The following GRID2 variants were observed in gnomAD, a reference collection of about 807,000 sequenced individuals.
GRID2 encodes glutamate ionotropic receptor delta type subunit 2.
A neutral mutation model predicts 114.8 loss-of-function variants in GRID2; 33 were observed. The ratio of observed to expected loss-of-function variants is 0.29; its 90% CI spans 0.22 to 0.38. The LOEUF (loss-of-function observed/expected upper bound fraction) is 0.38. Ranked by LOEUF, GRID2 falls within the 10% of genes least tolerant of loss-of-function variation. The probability of loss-of-function intolerance (pLI) is 1.00; values close to 1 mark genes in which losing one functional copy is unlikely to be tolerated. For synonymous variants in GRID2, 505 were observed against 449.9 expected (o/e 1.12, Z -1.55); for missense variants, 1,184 against 1,257.7 (o/e 0.94, Z 0.89).
intron 5 of GRID2, among the ~76,000 whole-genome samples, chr4:93,214,654 A>G (rs1743974119): frequency 6.6e-6 from 1 of 152,000 alleles, no homozygotes; most frequent in South Asian, 2.1e-4. Flanking sequence ...TCAAACTGAC[A>G]TTTCTTCAGA....
chr4:93,128,914 A>T (rs1033778519), intron 4 of GRID2, among the ~76,000 whole-genome samples: 4 of 152,182 alleles, frequency 2.6e-5, no homozygotes, highest in African/African-American at 9.6e-5. Context: ...CTGTTTTGGG[A>T]ATTGCAAACC....
At chr4:93,638,057 G>A (rs1013466410) in intron 14 of GRID2, among the ~76,000 whole-genome samples, 1 of 152,064 alleles carries the variant, frequency 6.6e-6, no homozygotes, top group Non-Finnish European at 1.5e-5. Flanking sequence ...GCCCAGGTAA[G>A]TCTAACATAA....
intron 11 of GRID2, among the ~76,000 whole-genome samples, chr4:93,481,769 TG>T (rs1367844435): frequency 5.3e-5 from 8 of 152,066 alleles, no homozygotes; most frequent in African/African-American, 1.9e-4. Context: ...CTCATTTTTA[TG>T]GTTCTGTTTC....
chr4:93,658,326 G>A (rs1190167876), intron 14 of GRID2, among the ~76,000 whole-genome samples: 1 of 152,092 alleles, frequency 6.6e-6, no homozygotes, highest in Non-Finnish European at 1.5e-5. Flanking sequence ...ACAGAAGTTA[G>A]TATAAAATTA....
At chr4:92,892,312 T>G (rs1746848634) in intron 2 of GRID2, among the ~76,000 whole-genome samples, 1 of 152,214 alleles carries the variant, frequency 6.6e-6, no homozygotes, top group African/African-American at 2.4e-5. Context: ...AAAAAAAAAT[T>G]GAGGGAACTT....
intron 10 of GRID2, among the ~76,000 whole-genome samples, chr4:93,442,481 C>T (rs1455798085): frequency 6.6e-6 from 1 of 152,036 alleles, no homozygotes; most frequent in African/African-American, 2.4e-5. Flanking sequence ...TTTTCCCCCA[C>T]TTAGCATTCA....
chr4:92,804,170 T>C (rs528160299), intron 2 of GRID2, among the ~76,000 whole-genome samples: 3 of 152,194 alleles, frequency 2.0e-5, no homozygotes, highest in African/African-American at 7.2e-5. Context: ...TACCTTAACT[T>C]GATGTCTTCC....
At chr4:93,187,874 G>T (rs1460715349) in intron 4 of GRID2, among the ~76,000 whole-genome samples, 1 of 152,230 alleles carries the variant, frequency 6.6e-6, no homozygotes, top group Admixed American at 6.5e-5. Flanking sequence ...CTCAAGGCTG[G>T]AGAATAATTC....
chr4:93,414,870 C>T (rs765633760), intron 9 of GRID2, among the ~76,000 whole-genome samples: 1 of 151,810 alleles, frequency 6.6e-6, no homozygotes, highest in African/African-American at 2.4e-5. Flanking sequence ...TGCTATTTCC[C>T]TATAAGTAAT....
At chr4:93,143,869 G>T (rs1161803634) in intron 4 of GRID2, among the ~76,000 whole-genome samples, 1 of 152,070 alleles carries the variant, frequency 6.6e-6, no homozygotes, top group Admixed American at 6.6e-5. Flanking sequence ...TTGCATATGA[G>T]CCATGTTCTA....
chr4:92,365,656 C>T (rs949213783), intron 1 of GRID2, among the ~76,000 whole-genome samples: 3 of 151,996 alleles, frequency 2.0e-5, no homozygotes, highest in African/African-American at 7.2e-5. Flanking sequence ...TTTCAAACGT[C>T]TTACCACAGA....
chr4:92,778,672 C>T (rs564656277), intron 2 of GRID2, among the ~76,000 whole-genome samples: 24 of 152,078 alleles, frequency 1.6e-4, no homozygotes, highest in African/African-American at 5.8e-4. Context: ...AATTTTATGG[C>T]ATTATGGAAC....
At chr4:93,065,010 A>G (rs972944009) in intron 2 of GRID2, among the ~76,000 whole-genome samples, 2 of 151,902 alleles carry the variant, frequency 1.3e-5, no homozygotes, top group African/African-American at 2.4e-5. Flanking sequence ...TTTTAAGAAG[A>G]GTTACTAAAT....
At chr4:92,918,858 G>A (rs1749050217) in intron 2 of GRID2, among the ~76,000 whole-genome samples, 1 of 152,082 alleles carries the variant, frequency 6.6e-6, no homozygotes, top group East Asian at 1.9e-4. Flanking sequence ...GGATGATGCT[G>A]GCCTCATAAA....
At chr4:93,151,896 C>T (rs538298364) in intron 4 of GRID2, among the ~76,000 whole-genome samples, 3 of 152,044 alleles carry the variant, frequency 2.0e-5, no homozygotes, top group South Asian at 4.1e-4. Context: ...TTCTGAAATT[C>T]TTAATTTAAA....
At chr4:92,650,093 T>C (rs963745288) in intron 2 of GRID2, among the ~76,000 whole-genome samples, 8 of 152,036 alleles carry the variant, frequency 5.3e-5, no homozygotes, top group African/African-American at 1.9e-4. Context: ...TCAATATCTA[T>C]TACATTTCAT....
intron 1 of GRID2, among the ~76,000 whole-genome samples, chr4:92,584,574 TTC>T (rs1728334435): frequency 2.0e-5 from 3 of 151,990 alleles, no homozygotes; most frequent in South Asian, 2.1e-4. Context: ...GGAATTAAAT[TTC>T]ATGTAAAACT....
intron 2 of GRID2, among the ~76,000 whole-genome samples, chr4:92,895,874 T>A (rs1747130774): frequency 6.6e-6 from 1 of 152,132 alleles, no homozygotes; most frequent in African/African-American, 2.4e-5. Context: ...GTGTCTGACT[T>A]TTCTTTCCAC....
intron 8 of GRID2, among the ~76,000 whole-genome samples, chr4:93,359,821 T>C (rs1331488350): frequency 8.7e-6 from 1 of 115,324 alleles, no homozygotes; most frequent in East Asian, 2.5e-4. Flanking sequence ...CCAGAGTCAG[T>C]AATGGGAAGG....
Sources: allele counts gnomAD v4.1 joint callset (sites outside exome capture counted in the v4.1 genomes callset), GRCh38; gene constraint gnomAD v4.1.1; transcripts MANE v1.5; gene names NCBI Gene and HGNC (gene_info 2026-07-23, HGNC 2026-07-21).